Variants in XRCC3 observed in about 807,000 individuals in gnomAD.
The protein encoded by XRCC3 is X-ray repair cross complementing 3.
In XRCC3, 34 loss-of-function variants were observed where a neutral mutation model predicts 29.2. The observed-to-expected ratio is 1.16, with a 90% CI of 0.88 to 1.55. The LOEUF (loss-of-function observed/expected upper bound fraction) is 1.55, where lower values mean the gene tolerates loss of function less well. Ranked by LOEUF, XRCC3 falls within the 40% of genes most tolerant of loss-of-function variation. The probability of loss-of-function intolerance (pLI) is 0.00; values close to 1 mark genes in which losing one functional copy is unlikely to be tolerated. For missense variants in XRCC3, 463 were observed against 467.6 expected (o/e 0.99, Z 0.09); for synonymous variants, 223 against 211.3 (o/e 1.06, Z -0.48).
rs752626065 is a variant in XRCC3 at position 103,698,754 on chromosome 14, T to C, written c.*44A>G. 2 of 1,525,548 alleles carry C rather than the reference T, an allele frequency of 1.3e-6. No homozygotes were observed. The highest frequency in any genetic ancestry group is 2.4e-5 in the South Asian group (2 of 84,016). The allele number at this position is 1,525,548 out of a possible 1,614,324, so 94.5% of individuals were successfully genotyped here. A position where few individuals can be genotyped will look rare whatever the true frequency, so the allele number is the denominator to read the frequency against. On this transcript the variant is annotated 3_prime_UTR_variant, in exon 10 of 10. Transcript: ENST00000555055. ...GCGTTTTAAAGGCCCGAGCCCCGTG[T>C]GTCGGGGCTTCTCAGGCAGGGCTGT... is the stretch of plus-strand genomic sequence containing the variant.
intron 6 of XRCC3, 149 bp downstream of exon 6, chr14:103,706,854 G>A: frequency 1.1e-6 from 1 of 931,058 alleles, no homozygotes. Flanking sequence ...GTTCTGGAAG[G>A]AGCGAGGGCA....
intron 4 of XRCC3, chr14:103,708,987 G>A (rs1473964420): frequency 2.2e-5 from 8 of 370,062 alleles, no homozygotes; most frequent in African/African-American, 2.1e-5. Flanking sequence ...GAGAAGAAAC[G>A]ACAGGCACCC....
chr14:103,706,747 G>T lies in XRCC3; in HGVS notation c.406+256C>A, dbSNP rs958788141. Reference sequence around the variant, plus strand: ...CTGTGCTCAGCCAGCGACCCCTGGGGGCCTAGCTCTGCTGAGGGCCGGCTG... The same window carrying T: ...CTGTGCTCAGCCAGCGACCCCTGGGTGCCTAGCTCTGCTGAGGGCCGGCTG... On this transcript the variant is annotated intron_variant, in intron 6 of 9. Coordinates refer to ENST00000555055, the MANE Select transcript of XRCC3 (RefSeq NM_005432.4). 5.4e-6 allele frequency: 3 copies of T among 551,868 alleles called. No homozygotes were observed. The South Asian group carries it at 5.9e-5, about 11-fold the overall frequency. The allele number at this position is 551,868 out of a possible 1,614,324, so 34.2% of individuals were successfully genotyped here. A position where few individuals can be genotyped will look rare whatever the true frequency, so the allele number is the denominator to read the frequency against.
At chr14:103,714,846 C>T (rs1339504105) in intron 1 of XRCC3, among the ~76,000 whole-genome samples, 1 of 152,108 alleles carries the variant, frequency 6.6e-6, no homozygotes, top group Non-Finnish European at 1.5e-5. Context: ...CCACCACACC[C>T]AGCTAATTTT....
At chr14:103,707,942 G>A (rs970572957) in intron 5 of XRCC3, 2 of 216,072 alleles carry the variant, frequency 9.3e-6, no homozygotes, top group Non-Finnish European at 1.9e-5. Context: ...CGTGTGTGTG[G>A]CCGTGGCACC....
chr14:103,706,888 G>C (rs1567058497), intron 6 of XRCC3, 115 bp downstream of exon 6: 5 of 1,162,814 alleles, frequency 4.3e-6, no homozygotes, highest in African/African-American at 1.5e-5. Flanking sequence ...GGAGGGAGAC[G>C]CAATGGTAGG....
At chr14:103,708,411 G>T in intron 5 of XRCC3, 111 bp downstream of exon 5, 1 of 1,502,154 alleles carries the variant, frequency 6.7e-7, no homozygotes, top group Non-Finnish European at 9.1e-7. Context: ...GCTGCCACAC[G>T]CCCTGAGGCT....
At position 103,698,763 on chromosome 14, in the gene XRCC3, T is replaced by G. The variant is rs1047206112; in HGVS notation, c.*35A>C. 1.3e-5 allele frequency: 20 copies of G among 1,557,512 alleles called. No homozygotes were observed. Among genetic ancestry groups the G allele is most frequent in the Non-Finnish European group, 2.6e-6 (3 of 1,150,248 alleles). On this transcript the variant is annotated 3_prime_UTR_variant, in exon 10 of 10. Coordinates refer to ENST00000555055, the MANE Select transcript of XRCC3 (RefSeq NM_005432.4). ...AGGCCCGAGCCCCGTGTGTCGGGGCTTCTCAGGCAGGGCTGTTGTGCAGCC... is the reference window on the plus strand; with the variant it reads ...AGGCCCGAGCCCCGTGTGTCGGGGCGTCTCAGGCAGGGCTGTTGTGCAGCC...
At chr14:103,706,254 T>G (rs954731416) in intron 6 of XRCC3, 14 of 449,760 alleles carry the variant, frequency 3.1e-5, no homozygotes, top group South Asian at 4.7e-5. Flanking sequence ...TGCTGGCAGG[T>G]CAGGCCCGTG....
In XRCC3 at chr14:103,711,257, G is replaced by GGA; in HGVS notation, c.-158-14_-158-13dup. ...TCGGGGCTCTGTCACTGAGGGTGGAGGAGACTTCACTGTAGAGGGAAGGCT... is the reference window on the plus strand; with the variant it reads ...TCGGGGCTCTGTCACTGAGGGTGGAGGAGAGACTTCACTGTAGAGGGAAGGCT... On this transcript the variant is annotated splice_polypyrimidine_tract_variant and intron_variant, in intron 3 of 9. Coordinates refer to ENST00000555055, the MANE Select transcript of XRCC3 (RefSeq NM_005432.4). 1 of 720,832 alleles carries GGA rather than the reference G, an allele frequency of 1.4e-6. No homozygotes were observed. Among genetic ancestry groups the GGA allele is most frequent in the Non-Finnish European group, 2.5e-6 (1 of 402,624 alleles). The allele number at this position is 720,832 out of a possible 1,614,324, so 44.7% of individuals were successfully genotyped here. A position where few individuals can be genotyped will look rare whatever the true frequency, so the allele number is the denominator to read the frequency against.
chr14:103,706,347 G>C (rs1485872784), intron 6 of XRCC3: 1 of 456,098 alleles, frequency 2.2e-6, no homozygotes, highest in Non-Finnish European at 4.4e-6. Flanking sequence ...TGTGCTCGGA[G>C]GTGCCACCGA....
rs1290556142 is a variant in XRCC3, at chr14:103,707,117, G to T, written c.292C>A (p.Pro98Thr). The change falls in exon 6 of 10, where the codon CCC (proline) becomes ACC (threonine). Residue 98 changes from proline (P) to threonine (T), a missense_variant. Transcript: ENST00000555055. ...GCCAGCTCAGTGATGCCGTCCAGGG[G>T]CAGGCCACCGCGGAGCAGCGCGTCC... ...VLDALLRGGLPLDGITELAGR... is the reference protein window; with the variant it reads ...VLDALLRGGLTLDGITELAGR... 1 of 1,550,332 alleles carries T rather than the reference G, an allele frequency of 6.5e-7. No individual in the cohort carries two copies. The highest frequency in any genetic ancestry group is 8.7e-7 in the Non-Finnish European group (1 of 1,147,264).
At chr14:103,710,835 G>C in intron 4 of XRCC3, 198 bp downstream of exon 4, 1 of 580,332 alleles carries the variant, frequency 1.7e-6, no homozygotes, top group South Asian at 2.2e-5. Context: ...GTAACTGAAA[G>C]AAATCCATGT....
intron 7 of XRCC3, chr14:103,701,917 C>G (rs923525843): frequency 6.6e-6 from 1 of 151,998 alleles, no homozygotes; most frequent in Admixed American, 6.5e-5. Context: ...AGGAGCTGCT[C>G]TGCCAGGCCA....
chr14:103,707,473 T>A, intron 5 of XRCC3: 1 of 562,452 alleles, frequency 1.8e-6, no homozygotes, highest in South Asian at 2.0e-5. Flanking sequence ...TATGGGGCAA[T>A]TGCAGCACCA....
At chr14:103,709,443 CCCA>C (rs1195427666) in intron 4 of XRCC3, 1 of 154,280 alleles carries the variant, frequency 6.5e-6, no homozygotes. Context: ...GGGACTTACA[CCCA>C]CCACATCAGA....
In XRCC3 at chr14:103,711,126, A is replaced by G. The variant is rs755493221; in HGVS notation, c.-39T>C. ...TGGCCACCAGGATGAATAACTTCCC[A>G]GGAAAGACAGAACAATGGATGCAAA... On this transcript the variant is annotated 5_prime_UTR_variant, in exon 4 of 10. Transcript: ENST00000555055. 6.8e-6 allele frequency: 11 copies of G among 1,610,156 alleles called. No individual in the cohort carries two copies. The African/African-American group carries it at 9.4e-5, about 14-fold the overall frequency.
rs1595613668 is a variant in XRCC3, at chr14:103,698,335, A to G, written c.*463T>C. On this transcript the variant is annotated 3_prime_UTR_variant, in exon 10 of 10. Coordinates refer to ENST00000555055, the MANE Select transcript of XRCC3 (RefSeq NM_005432.4). ...CCCACTGTGGCCTGAGTGGTGGGGG[A>G]GTAAGGACTGCCCTGTGTGCAGGAG... 5.2e-6 allele frequency: 1 copy of G among 191,984 alleles called. No individual in the cohort carries two copies. The highest frequency in any genetic ancestry group is 1.1e-5 in the Non-Finnish European group (1 of 91,400). 11.9% of individuals were successfully genotyped at this position (191,984 alleles called of 1,614,324 possible).
rs370905714 is a variant in XRCC3 at position 103,698,993 on chromosome 14, T to C, written c.846A>G (p.Pro282=). 19 of 1,595,298 alleles carry C rather than the reference T, an allele frequency of 1.2e-5. No individual in the cohort carries two copies. The highest frequency in any genetic ancestry group is 1.6e-5 in the Non-Finnish European group (19 of 1,170,976). ...PLGFWDERVS[P]ALGITWANQL... Reference sequence around the variant, plus strand: ...GGTTAGCCCAGGTTATGCCAAGGGCTGGGGAAACACGTTCGTCCCAGAACC... The same window carrying C: ...GGTTAGCCCAGGTTATGCCAAGGGCCGGGGAAACACGTTCGTCCCAGAACC... The change falls in exon 10 of 10, where the codon CCA becomes CCG. Residue 282 remains proline (P), a synonymous_variant. Transcript: ENST00000555055.
Sources: gnomAD v4.1 joint callset for allele counts (sites outside exome capture counted in the v4.1 genomes callset) on GRCh38, gnomAD v4.1.1 for gene constraint, MANE v1.5 for transcripts, NCBI Gene and HGNC (gene_info 2026-07-23, HGNC 2026-07-21) for gene names.